The following MARCHF3 variants were observed in gnomAD, a reference collection of about 807,000 sequenced individuals.
MARCHF3 encodes the protein membrane associated ring-CH-type finger 3, also known as E3 ubiquitin-protein ligase MARCHF3.
Under a neutral mutation model 24.2 loss-of-function variants are expected in MARCHF3, and 13 were observed. The ratio of observed to expected loss-of-function variants is 0.54; its 90% CI spans 0.35 to 0.85. MARCHF3 has a LOEUF of 0.85. MARCHF3 is among the 40% of genes least tolerant of loss of function. MARCHF3 has a pLI of 0.01. For synonymous variants in MARCHF3, 144 were observed against 137.3 expected (o/e 1.05, Z -0.34); for missense variants, 276 against 325.0 (o/e 0.85, Z 1.16).
chr5:126,919,507 T>C (rs547788562), intron 1 of MARCHF3, among the ~76,000 whole-genome samples: 2 of 152,338 alleles, frequency 1.3e-5, no homozygotes, highest in South Asian at 4.1e-4. Context: ...AGAGGATTCC[T>C]GGAATTCTGC....
At chr5:126,931,866 G>A (rs1469463943) in intron 1 of MARCHF3, among the ~76,000 whole-genome samples, 1 of 152,106 alleles carries the variant, frequency 6.6e-6, no homozygotes, top group Admixed American at 6.5e-5. Flanking sequence ...GCGGGGGAAG[G>A]CTATTTGGTG....
chr5:126,972,585 T>C (rs1234184320), intron 1 of MARCHF3, among the ~76,000 whole-genome samples: 1 of 152,198 alleles, frequency 6.6e-6, no homozygotes, highest in Non-Finnish European at 1.5e-5. Flanking sequence ...ATGCCATTCA[T>C]TAATTGAGGG....
intron 4 of MARCHF3, 117 bp downstream of exon 4, chr5:126,878,068 G>T: frequency 1.1e-6 from 1 of 935,908 alleles, no homozygotes; most frequent in Non-Finnish European, 1.6e-6. Flanking sequence ...GCCAGCAATC[G>T]AAGGTCTGTT....
intron 4 of MARCHF3, among the ~76,000 whole-genome samples, chr5:126,877,496 CA>C (rs1293192200): frequency 4.6e-5 from 7 of 152,128 alleles, no homozygotes; most frequent in African/African-American, 1.7e-4. Context: ...AACTGGTACT[CA>C]AGCGATCAAC....
At chr5:126,998,588 TCACGCTGGGGAGAA>T (rs1752022356) in intron 1 of MARCHF3, among the ~76,000 whole-genome samples, 2 of 152,112 alleles carry the variant, frequency 1.3e-5, no homozygotes, top group South Asian at 4.2e-4. Context: ...TTTCTCACAC[TCACGCTGGGGAGAA>T]CAGGCAGGGA....
chr5:126,883,581 C>A (rs1015817880), intron 3 of MARCHF3, among the ~76,000 whole-genome samples: 11 of 152,212 alleles, frequency 7.2e-5, no homozygotes, highest in African/African-American at 2.7e-4. Context: ...CAGCATCATT[C>A]ACTGGCTGTG....
At chr5:127,002,023 A>G (rs1381773506) in intron 1 of MARCHF3, among the ~76,000 whole-genome samples, 2 of 152,246 alleles carry the variant, frequency 1.3e-5, no homozygotes, top group Non-Finnish European at 2.9e-5. Flanking sequence ...ACATAGTGAC[A>G]CATTCTGGAG....
intron 2 of MARCHF3, among the ~76,000 whole-genome samples, chr5:126,916,692 G>GACAA (rs750408549): frequency 2.3e-5 from 3 of 130,482 alleles, no homozygotes; most frequent in Admixed American, 7.5e-5. Flanking sequence ...CAGACAGACA[G>GACAA]ACACACACAC....
chr5:127,001,282 A>G (rs891101920), intron 1 of MARCHF3, among the ~76,000 whole-genome samples: 1 of 152,070 alleles, frequency 6.6e-6, no homozygotes, highest in African/African-American at 2.4e-5. Flanking sequence ...AGGATTTCCA[A>G]TGCCATTTGA....
chr5:126,903,453 T>C (rs1163922698), intron 3 of MARCHF3, among the ~76,000 whole-genome samples: 2 of 152,104 alleles, frequency 1.3e-5, no homozygotes, highest in South Asian at 4.1e-4. Context: ...TGCCTTCATA[T>C]AAAGAATGGA....
chr5:126,870,943 CAGTG>C, intron 4 of MARCHF3, 152 bp from the exon 5 acceptor site: 1 of 1,093,298 alleles, frequency 9.1e-7, no homozygotes, highest in Non-Finnish European at 1.3e-6. Flanking sequence ...CTCTGGCACG[CAGTG>C]AGTGTTGAGA....
chr5:127,006,715 C>T (rs1050783857), intron 1 of MARCHF3, among the ~76,000 whole-genome samples: 2 of 152,128 alleles, frequency 1.3e-5, no homozygotes, highest in African/African-American at 4.8e-5. Flanking sequence ...CAACAAGATA[C>T]CAAACAAACT....
chr5:126,943,946 G>T (rs1407384642), intron 1 of MARCHF3, among the ~76,000 whole-genome samples: 1 of 152,054 alleles, frequency 6.6e-6, no homozygotes. Flanking sequence ...AAGTAGCTGG[G>T]ATTATAGGCG....
intron 1 of MARCHF3, among the ~76,000 whole-genome samples, chr5:127,007,425 T>G (rs1752343955): frequency 2.0e-5 from 3 of 152,054 alleles, no homozygotes; most frequent in Non-Finnish European, 2.9e-5. Flanking sequence ...TTATGTAAAT[T>G]TAAACATTGA....
intron 1 of MARCHF3, among the ~76,000 whole-genome samples, chr5:126,960,719 A>G (rs1280697952): frequency 6.6e-6 from 1 of 152,102 alleles, no homozygotes; most frequent in Non-Finnish European, 1.5e-5. Context: ...GACTCTCAAG[A>G]CATTCACAGC....
intron 1 of MARCHF3, among the ~76,000 whole-genome samples, chr5:126,929,070 T>C (rs1046134557): frequency 2.0e-5 from 3 of 152,238 alleles, no homozygotes; most frequent in Admixed American, 6.5e-5. Flanking sequence ...CACATCATAT[T>C]TGGATGTTAT....
intron 1 of MARCHF3, among the ~76,000 whole-genome samples, chr5:127,028,677 T>C (rs7709283): frequency 0.013 from 1,994 of 152,196 alleles, 43 homozygotes; most frequent in African/African-American, 0.042. Context: ...CCGTGTTGCA[T>C]GGTGATGTGA....
intron 1 of MARCHF3, among the ~76,000 whole-genome samples, chr5:126,931,339 T>C (rs1749473914): frequency 6.6e-6 from 1 of 152,164 alleles, no homozygotes; most frequent in Admixed American, 6.5e-5. Flanking sequence ...TGGAGGACTT[T>C]CACGCATTTT....
rs113861488 is a variant in MARCHF3, at chr5:126,870,264, AAT to A, written c.*367_*368del. On this transcript the variant is annotated 3_prime_UTR_variant, in exon 5 of 5. Transcript: ENST00000308660. ...TTGATTTTGATTATCATCTAAGTTTAATATATATATATATGTGTGTGTGTTTG... is the reference window on the plus strand; with the variant it reads ...TTGATTTTGATTATCATCTAAGTTTAATATATATATATGTGTGTGTGTTTG... 38 of 153,462 alleles carry A rather than the reference AAT, an allele frequency of 2.5e-4. No individual in the cohort carries two copies. The highest frequency in any genetic ancestry group is 5.3e-4 in the African/African-American group (22 of 41,430). The allele number at this position is 153,462 out of a possible 1,614,324, so 9.5% of individuals were successfully genotyped here.
Sources: allele counts gnomAD v4.1 joint callset (sites outside exome capture counted in the v4.1 genomes callset), GRCh38; gene constraint gnomAD v4.1.1; transcripts MANE v1.5; gene names NCBI Gene and HGNC (gene_info 2026-07-23, HGNC 2026-07-21).